PTPRD: variants seen among roughly 807,000 people sequenced by gnomAD.
The protein encoded by PTPRD is protein tyrosine phosphatase receptor type D.
Under a neutral mutation model 214.5 loss-of-function variants are expected in PTPRD, and 34 were observed. The ratio of observed to expected loss-of-function variants is 0.16; its 90% CI spans 0.12 to 0.21. The LOEUF is 0.21. Ranked by LOEUF, PTPRD falls within the 10% of genes least tolerant of loss-of-function variation. The pLI is 1.00. For missense variants in PTPRD, 2,545 were observed against 2,398.7 expected (o/e 1.06, Z -1.27); for synonymous variants, 1,128 against 845.7 (o/e 1.33, Z -5.79).
At chr9:10,338,884 T>C (rs906813492) in intron 3 of PTPRD, among the ~76,000 whole-genome samples, 1 of 150,010 alleles carries the variant, frequency 6.7e-6, no homozygotes, top group African/African-American at 2.5e-5. Context: ...TAAATGAATA[T>C]AAATTAAATA....
chr9:9,810,756 T>C (rs1025494956), intron 5 of PTPRD, among the ~76,000 whole-genome samples: 1 of 151,986 alleles, frequency 6.6e-6, no homozygotes, highest in African/African-American at 2.4e-5. Context: ...ATGAATCAAG[T>C]AGTAATTTTG....
At chr9:9,214,276 T>C (rs773102937) in intron 9 of PTPRD, among the ~76,000 whole-genome samples, 1 of 152,192 alleles carries the variant, frequency 6.6e-6, no homozygotes, top group African/African-American at 2.4e-5. Context: ...CCCGATATGG[T>C]CCAGTGGAAA....
chr9:9,500,720 T>C (rs113888490), intron 8 of PTPRD, among the ~76,000 whole-genome samples: 13 of 152,214 alleles, frequency 8.5e-5, no homozygotes, highest in African/African-American at 2.4e-4. Flanking sequence ...ATAATAAATA[T>C]GCAGGTAGAT....
intron 11 of PTPRD, among the ~76,000 whole-genome samples, chr9:8,792,386 GT>G (rs937232480): frequency 6.6e-6 from 1 of 152,184 alleles, no homozygotes; most frequent in African/African-American, 2.4e-5. Flanking sequence ...CTAGATTCTA[GT>G]TTATACGGAG....
chr9:10,214,507 C>T (rs1250777094), intron 3 of PTPRD, among the ~76,000 whole-genome samples: 2 of 150,332 alleles, frequency 1.3e-5, no homozygotes, highest in Non-Finnish European at 2.9e-5. Flanking sequence ...AACTTCTGAC[C>T]TCAGATGATC....
intron 8 of PTPRD, among the ~76,000 whole-genome samples, chr9:9,512,151 A>T (rs967483124): frequency 6.6e-5 from 10 of 151,782 alleles, no homozygotes; most frequent in Non-Finnish European, 1.5e-4. Context: ...TGAACTCATG[A>T]TCTCTCTTAT....
At chr9:9,783,819 G>GTTTT (rs71485303) in intron 5 of PTPRD, among the ~76,000 whole-genome samples, 3 of 137,468 alleles carry the variant, frequency 2.2e-5, no homozygotes, top group African/African-American at 2.7e-5. Flanking sequence ...CTCCTGCTTC[G>GTTTT]TTTTTTTTTT....
At chr9:10,072,533 C>T (rs143152520) in intron 3 of PTPRD, among the ~76,000 whole-genome samples, 294 of 152,166 alleles carry the variant, frequency 1.9e-3, no homozygotes, top group African/African-American at 6.5e-3. Context: ...GGGACATGAG[C>T]GGGTTGCCAC....
In PTPRD at chr9:9,367,558, A is replaced by T. The variant is rs193227456; in HGVS notation, c.-203+29891T>A. Among the ~76,000 whole-genome samples the T allele has an allele frequency of 2.1e-4, 32 of 151,720 alleles. No homozygotes were observed. In the East Asian group the frequency reaches 6.0e-3, roughly 29 times the overall value. On this transcript the variant is annotated intron_variant, in intron 9 of 45. Coordinates refer to ENST00000381196, the MANE Select transcript of PTPRD (RefSeq NM_002839.4). ...TACAGGATCTGTACTGTTCAACTGA[A>T]GTCTAATTTTTGTATATATTAGAAT...
intron 14 of PTPRD, among the ~76,000 whole-genome samples, chr9:8,573,547 C>T (rs2091692855): frequency 6.6e-6 from 1 of 151,888 alleles, no homozygotes; most frequent in Non-Finnish European, 1.5e-5. Context: ...TTAAAACTGG[C>T]TTAAAGCCAG....
At chr9:10,022,525 C>T (rs957977487) in intron 4 of PTPRD, among the ~76,000 whole-genome samples, 3 of 151,956 alleles carry the variant, frequency 2.0e-5, no homozygotes, top group African/African-American at 4.8e-5. Flanking sequence ...ACGGTTTTTG[C>T]CATTGAAAGT....
chr9:9,782,237 G>C (rs2098851889), intron 5 of PTPRD, among the ~76,000 whole-genome samples: 1 of 152,068 alleles, frequency 6.6e-6, no homozygotes, highest in Admixed American at 6.6e-5. Context: ...CAGTATCTCA[G>C]TAAACACTCC....
rs1325460950 is a variant in PTPRD at position 9,531,481 on chromosome 9, T to C, written c.-237+43251A>G. Among the ~76,000 whole-genome samples the C allele has an allele frequency of 2.0e-5, 3 of 152,182 alleles. No individual in the cohort carries two copies. The East Asian group carries it at 5.8e-4, about 29-fold the overall frequency. ...GATTCAGTGTGATTTTCTTGCAATG[T>C]TCGAAAGAATTTTGTTGGGGCAATG... On this transcript the variant is annotated intron_variant, in intron 8 of 45. Transcript: ENST00000381196.
At chr9:9,080,838 G>A (rs1428041226) in intron 10 of PTPRD, among the ~76,000 whole-genome samples, 2 of 152,074 alleles carry the variant, frequency 1.3e-5, no homozygotes, top group African/African-American at 4.8e-5. Flanking sequence ...GGGATCAGTG[G>A]TGATATCCCC....
chr9:8,589,573 T>G (rs1164926139), intron 14 of PTPRD, among the ~76,000 whole-genome samples: 2 of 152,220 alleles, frequency 1.3e-5, no homozygotes, highest in Admixed American at 1.3e-4. Flanking sequence ...GAATTCACTG[T>G]CACCATAAGC....
intron 8 of PTPRD, among the ~76,000 whole-genome samples, chr9:9,559,399 C>A (rs2082331641): frequency 6.6e-6 from 1 of 152,348 alleles, no homozygotes; most frequent in East Asian, 1.9e-4. Context: ...GACTAAAAGC[C>A]TACTGGCACT....
chr9:8,768,878 A>C (rs1367088013), intron 11 of PTPRD, among the ~76,000 whole-genome samples: 20 of 152,224 alleles, frequency 1.3e-4, no homozygotes, highest in Admixed American at 1.3e-3. Flanking sequence ...ATCATTAAAC[A>C]GTTTGCAAGG....
intron 3 of PTPRD, among the ~76,000 whole-genome samples, chr9:10,188,402 T>G (rs2154316973): frequency 6.6e-6 from 1 of 152,284 alleles, no homozygotes; most frequent in East Asian, 1.9e-4. Flanking sequence ...TTCATCAGTT[T>G]TTGAATTCCA....
chr9:10,511,325 T>C (rs956679941), intron 2 of PTPRD, among the ~76,000 whole-genome samples: 1 of 152,148 alleles, frequency 6.6e-6, no homozygotes, highest in Non-Finnish European at 1.5e-5. Context: ...GTATCTTTAA[T>C]GTTACTAGAA....
Sources: allele counts gnomAD v4.1 joint callset (sites outside exome capture counted in the v4.1 genomes callset), GRCh38; gene constraint gnomAD v4.1.1; transcripts MANE v1.5; gene names NCBI Gene and HGNC (gene_info 2026-07-23, HGNC 2026-07-21).